THEMIS: variants seen among roughly 807,000 people sequenced by gnomAD.
THEMIS encodes protein THEMIS.
A neutral mutation model predicts 52.6 loss-of-function variants in THEMIS; 37 were observed. The ratio of observed to expected loss-of-function variants is 0.70; its 90% CI spans 0.54 to 0.93. The LOEUF is 0.93. Ranked by LOEUF, THEMIS falls within the 40% of genes least tolerant of loss-of-function variation. The pLI is 0.00. For synonymous variants in THEMIS, 292 were observed against 272.7 expected (o/e 1.07, Z -0.70); for missense variants, 808 against 763.1 (o/e 1.06, Z -0.69).
chr6:127,728,771 G>A (rs1774641067), intron 4 of THEMIS, among the ~76,000 whole-genome samples: 2 of 152,022 alleles, frequency 1.3e-5, no homozygotes, highest in African/African-American at 4.8e-5. Context: ...AAATACATCA[G>A]GAAAATACAT....
At chr6:127,740,657 A>G (rs566435852) in intron 4 of THEMIS, among the ~76,000 whole-genome samples, 20 of 152,292 alleles carry the variant, frequency 1.3e-4, no homozygotes, top group Non-Finnish European at 2.9e-5. Flanking sequence ...GCTATCCGAA[A>G]ATAAAGCTAG....
chr6:127,872,307 C>A (rs920315009), intron 1 of THEMIS, among the ~76,000 whole-genome samples: 1 of 152,132 alleles, frequency 6.6e-6, no homozygotes, highest in Non-Finnish European at 1.5e-5. Context: ...AGTGGTGGCT[C>A]ACACCTGTAA....
rs1380887875 is a variant in THEMIS, at chr6:127,828,008, C to T, written c.709+1468G>A. On this transcript the variant is annotated intron_variant, in intron 3 of 5. Transcript: ENST00000368248. Reference sequence around the variant, plus strand: ...CACTAGAGCTCCCATCCCTTCCTCACCTGCTTCCCCAATACCACTCCTGCC... The same window carrying T: ...CACTAGAGCTCCCATCCCTTCCTCATCTGCTTCCCCAATACCACTCCTGCC... Among the ~76,000 whole-genome samples the T allele has an allele frequency of 2.0e-5, 3 of 152,196 alleles. No homozygotes were observed. In the South Asian group the frequency reaches 6.2e-4, roughly 31 times the overall value.
intron 3 of THEMIS, among the ~76,000 whole-genome samples, chr6:127,814,137 C>T (rs1420266268): frequency 6.6e-6 from 1 of 152,128 alleles, no homozygotes; most frequent in Non-Finnish European, 1.5e-5. Context: ...TAAGCCCATA[C>T]TCAGTTTAAG....
chr6:127,856,621 A>AG lies in THEMIS; in HGVS notation c.92-1434dup, dbSNP rs534119491. On this transcript the variant is annotated intron_variant, in intron 1 of 5. Coordinates refer to ENST00000368248, the MANE Select transcript of THEMIS (RefSeq NM_001010923.3). The stretch of plus-strand genomic sequence containing the variant: ...TGAGCAAGAAGCATTTTTGCAGACA[A>AG]GAAGAATACATCTAAAGAATACATA... 1.8e-4 allele frequency among the ~76,000 whole-genome samples: 28 copies of AG among 152,106 alleles called. No homozygotes were observed. In the South Asian group the frequency reaches 5.8e-3, roughly 31 times the overall value.
chr6:127,822,135 C>T (rs938982919), intron 3 of THEMIS, among the ~76,000 whole-genome samples: 3 of 151,758 alleles, frequency 2.0e-5, no homozygotes, highest in African/African-American at 7.3e-5. Flanking sequence ...CATCTCTCAC[C>T]CACTCAATGA....
chr6:127,731,147 C>A (rs1233404926), intron 4 of THEMIS, among the ~76,000 whole-genome samples: 1 of 152,124 alleles, frequency 6.6e-6, no homozygotes, highest in African/African-American at 2.4e-5. Context: ...TATAATGACA[C>A]TGGGGATTTC....
intron 4 of THEMIS, among the ~76,000 whole-genome samples, chr6:127,752,407 A>G (rs1775676548): frequency 6.7e-6 from 1 of 149,694 alleles, no homozygotes; most frequent in Non-Finnish European, 1.5e-5. Context: ...ACCTTTAGCT[A>G]GAGTAACTAA....
chr6:127,837,023 T>C (rs938307866), intron 2 of THEMIS, among the ~76,000 whole-genome samples: 9 of 152,178 alleles, frequency 5.9e-5, no homozygotes, highest in African/African-American at 1.9e-4. Context: ...GGAGCTGCTA[T>C]TGTTGATCAC....
intron 4 of THEMIS, among the ~76,000 whole-genome samples, chr6:127,806,910 T>G (rs1777730458): frequency 6.6e-6 from 1 of 152,240 alleles, no homozygotes; most frequent in Non-Finnish European, 1.5e-5. Flanking sequence ...ACTTCCTTTA[T>G]TCATCCTTTG....
rs374014918 is a variant in THEMIS, at chr6:127,813,385, T to C, written c.1256A>G (p.Lys419Arg). 6.2e-7 allele frequency: 1 copy of C among 1,613,630 alleles called. No homozygotes were observed. The highest frequency in any genetic ancestry group is 2.2e-5 in the East Asian group (1 of 44,868). ...NVLACEKILK[K>R]SYEAALLPLY... The stretch of plus-strand genomic sequence containing the variant: ...AGGGAGCAGCGCAGCCTCATAGGAC[T>C]TTTTGAGGATTTTTTCACAGGCCAG... Residue 419 changes from lysine (K) to arginine (R), a missense_variant, in exon 4 of 6, where the codon AAG becomes AGG. Transcript: ENST00000368248.
chr6:127,915,976 C>T lies in THEMIS; in HGVS notation c.-150+2452G>A, dbSNP rs1174908459. Among the ~76,000 whole-genome samples the T allele has an allele frequency of 3.3e-5, 5 of 151,950 alleles. No individual in the cohort carries two copies. In the East Asian group the frequency reaches 9.7e-4, roughly 29 times the overall value. On this transcript the variant is annotated intron_variant, in intron 1 of 6. Transcript: ENST00000368250. Reference sequence around the variant, plus strand: ...CAATCCAGCCTTGGTGACAGAGCACCACTCCGTCTCAAAACTAATAATAAA... The same window carrying T: ...CAATCCAGCCTTGGTGACAGAGCACTACTCCGTCTCAAAACTAATAATAAA...
chr6:127,912,596 A>T (rs1339244449), intron 1 of THEMIS, among the ~76,000 whole-genome samples: 1 of 152,144 alleles, frequency 6.6e-6, no homozygotes, highest in Non-Finnish European at 1.5e-5. Context: ...ATTATTTTAG[A>T]CCCAGGGATG....
intron 4 of THEMIS, among the ~76,000 whole-genome samples, chr6:127,800,001 G>A (rs1447638807): frequency 2.0e-5 from 3 of 152,090 alleles, no homozygotes; most frequent in South Asian, 2.1e-4. Flanking sequence ...AATCACAAAC[G>A]TTCTTCATAG....
intron 4 of THEMIS, among the ~76,000 whole-genome samples, chr6:127,736,850 T>C (rs1311872307): frequency 2.4e-5 from 1 of 41,284 alleles, no homozygotes; most frequent in African/African-American, 7.6e-5. Flanking sequence ...AACCAAATGA[T>C]CAAAAAAAAA....
chr6:127,762,437 C>T (rs1296042230), intron 4 of THEMIS, among the ~76,000 whole-genome samples: 1 of 152,000 alleles, frequency 6.6e-6, no homozygotes, highest in Non-Finnish European at 1.5e-5. Flanking sequence ...AAAATGAATC[C>T]TCTGTTGGCA....
chr6:127,870,014 T>C (rs577266507), intron 1 of THEMIS, among the ~76,000 whole-genome samples: 2 of 152,188 alleles, frequency 1.3e-5, no homozygotes, highest in South Asian at 2.1e-4. Context: ...AAAGGCAGAG[T>C]AAAGAGCTGG....
chr6:127,842,233 T>C (rs971347219), intron 2 of THEMIS, among the ~76,000 whole-genome samples: 3 of 152,034 alleles, frequency 2.0e-5, no homozygotes, highest in African/African-American at 4.8e-5. Context: ...GATGAAAGAT[T>C]GATCATTTCA....
chr6:127,899,037 G>A (rs1044798462), intron 1 of THEMIS, among the ~76,000 whole-genome samples: 1 of 151,762 alleles, frequency 6.6e-6, no homozygotes, highest in Non-Finnish European at 1.5e-5. Context: ...AAAGGAATAA[G>A]ATCTAGTGTT....
Sources: gnomAD v4.1 joint callset for allele counts (sites outside exome capture counted in the v4.1 genomes callset) on GRCh38, gnomAD v4.1.1 for gene constraint, MANE v1.5 for transcripts, NCBI Gene and HGNC (gene_info 2026-07-23, HGNC 2026-07-21) for gene names.